CSF2RA: variants seen among roughly 807,000 people sequenced by gnomAD.
The protein encoded by CSF2RA is colony stimulating factor 2 receptor subunit alpha, also known as granulocyte-macrophage colony-stimulating factor receptor subunit alpha.
In CSF2RA, 42 loss-of-function variants were observed where a neutral mutation model predicts 51.6. The ratio of observed to expected loss-of-function variants is 0.81; its 90% confidence interval spans 0.64 to 1.05. CSF2RA has a LOEUF of 1.05. CSF2RA is among the 50% of genes least tolerant of loss of function. The pLI is 0.00. For synonymous variants in CSF2RA, 222 were observed against 193.0 expected (o/e 1.15, Z -1.24); for missense variants, 530 against 501.1 (o/e 1.06, Z -0.55).
chrX:1,297,032 G>A (rs1480299378), intron 9 of CSF2RA, among the ~76,000 whole-genome samples: 7 of 57,500 alleles, frequency 1.2e-4, no homozygotes, highest in African/African-American at 2.7e-4. Context: ...GACCCCTGGC[G>A]GAACCCTACA....
At chrX:1,287,717 T>G (rs1249295636) in intron 4 of CSF2RA, among the ~76,000 whole-genome samples, 3 of 133,102 alleles carry the variant, frequency 2.3e-5, no homozygotes, top group Non-Finnish European at 3.2e-5. Flanking sequence ...GTGCTGGCAT[T>G]ACAGGTGTGA....
At chrX:1,299,797 A>G (rs2092250015) in intron 9 of CSF2RA, among the ~76,000 whole-genome samples, 1 of 152,082 alleles carries the variant, frequency 6.6e-6, no homozygotes, top group Admixed American at 6.6e-5. Context: ...GGGCGCCTGT[A>G]ATCCCAGCTA....
At chrX:1,272,586 C>T (rs1193870357) in intron 1 of CSF2RA, among the ~76,000 whole-genome samples, 1 of 151,712 alleles carries the variant, frequency 6.6e-6, no homozygotes, top group Non-Finnish European at 1.5e-5. Flanking sequence ...CTCCTGGGTT[C>T]ACCCGATTTT....
At chrX:1,293,245 C>G (rs1451498857) in intron 7 of CSF2RA, among the ~76,000 whole-genome samples, 1 of 152,110 alleles carries the variant, frequency 6.6e-6, no homozygotes, top group Non-Finnish European at 1.5e-5. Flanking sequence ...GACAGAGTCT[C>G]ACTCTGTCGC....
intron 12 of CSF2RA, chrX:1,305,815 T>G: frequency 6.8e-5 from 104 of 1,537,792 alleles, no homozygotes; most frequent in Non-Finnish European, 8.2e-5. Context: ...GCACGGTGGC[T>G]CATGCCTGTC....
the CSF2RA span, among the ~76,000 whole-genome samples, chrX:1,317,691 T>A: frequency 6.6e-6 from 1 of 151,028 alleles, no homozygotes; most frequent in Non-Finnish European, 1.5e-5. Context: ...CACAGAAGCC[T>A]TCAGAATGAA....
intron 2 of CSF2RA, among the ~76,000 whole-genome samples, chrX:1,280,083 C>T (rs1328064024): frequency 6.6e-6 from 1 of 152,048 alleles, no homozygotes; most frequent in Non-Finnish European, 1.5e-5. Flanking sequence ...AGCCACTGTG[C>T]CCGGCCGAGA....
downstream of CSF2RA, among the ~76,000 whole-genome samples, chrX:1,314,868 CCGCACTGCACCTG>C (rs1569515061): frequency 2.5e-3 from 157 of 61,874 alleles, 39 homozygotes; most frequent in African/African-American, 7.8e-3. Flanking sequence ...ACCTGCCCAA[CCGCACTGCACCTG>C]CCCAACCACA....
chrX:1,318,364 T>C, the CSF2RA span, among the ~76,000 whole-genome samples: 10 of 151,384 alleles, frequency 6.6e-5, no homozygotes, highest in Non-Finnish European at 1.2e-4. Flanking sequence ...GGTTTCACCA[T>C]GTTGGCCAGG....
chrX:1,281,162 CCTA>C (rs2089986872), intron 2 of CSF2RA, among the ~76,000 whole-genome samples: 3 of 119,088 alleles, frequency 2.5e-5, no homozygotes, highest in African/African-American at 3.3e-5. Context: ...CCCTTCTCCT[CCTA>C]CTCCTCCTTC....
chrX:1,318,220 A>G, the CSF2RA span, among the ~76,000 whole-genome samples: 2 of 147,048 alleles, frequency 1.4e-5, no homozygotes, highest in Admixed American at 6.9e-5. Flanking sequence ...TTGGAGTGCA[A>G]TGGCGTGATC....
chrX:1,314,229 GCACCTGCCCAACCC>G (rs1569514653), downstream of CSF2RA, among the ~76,000 whole-genome samples: 18 of 105,220 alleles, frequency 1.7e-4, no homozygotes, highest in East Asian at 2.6e-4. Flanking sequence ...CAACCCCACT[GCACCTGCCCAACCC>G]CACTGCACCT....
chrX:1,286,013 C>G lies in CSF2RA; in HGVS notation c.219+93C>G, dbSNP rs753888753. The G allele has an allele frequency of 1.1e-5, 17 of 1,516,918 alleles. No homozygotes were observed. In the East Asian group the frequency reaches 2.9e-4, roughly 26 times the overall value. 94.0% of individuals were successfully genotyped at this position (1,516,918 alleles called of 1,614,324 possible). ...GCCGGCTGGGCGCGGCGGCTCACGC[C>G]TGTCATCCCAGCACTTTGGGAGGCT... On this transcript the variant is annotated intron_variant, in intron 4 of 12. Transcript: ENST00000381529.
In CSF2RA at chrX:1,303,973, G is replaced by T; in HGVS notation, c.997G>T (p.Val333Leu). Residue 333 changes from valine to leucine, a missense_variant, in exon 11 of 13, where the codon GTG becomes TTG. Coordinates refer to ENST00000381529, the MANE Select transcript of CSF2RA (RefSeq NM_172245.4). Reference sequence around the variant, plus strand: ...TGTGTACATTTATGTGCTCCTAATCGTGGGAACCCTTGTCTGTGGCATCGT... The same window carrying T: ...TGTGTACATTTATGTGCTCCTAATCTTGGGAACCCTTGTCTGTGGCATCGT... ...GSVYIYVLLI[V>L]GTLVCGIVLG... The T allele has an allele frequency of 6.2e-7, 1 of 1,613,180 alleles. No homozygotes were observed. The highest frequency in any genetic ancestry group is 8.5e-7 in the Non-Finnish European group (1 of 1,179,760).
intron 1 of CSF2RA, among the ~76,000 whole-genome samples, chrX:1,272,371 G>A (rs2088546012): frequency 8.1e-6 from 1 of 123,710 alleles, no homozygotes; most frequent in Non-Finnish European, 1.7e-5. Flanking sequence ...TAGGGGATTG[G>A]ATCCTGGTAC....
intron 7 of CSF2RA, among the ~76,000 whole-genome samples, chrX:1,291,890 C>T (rs1368038723): frequency 6.9e-6 from 1 of 145,884 alleles, no homozygotes; most frequent in Non-Finnish European, 1.5e-5. Flanking sequence ...TACTCCACGT[C>T]CACCTGGACC....
the CSF2RA span, among the ~76,000 whole-genome samples, chrX:1,323,647 G>C: frequency 6.6e-6 from 1 of 152,188 alleles, no homozygotes; most frequent in African/African-American, 2.4e-5. Context: ...ACTTTGGGAG[G>C]CTGAGGCAGC....
chrX:1,323,083 C>T, the CSF2RA span, among the ~76,000 whole-genome samples: 11 of 151,106 alleles, frequency 7.3e-5, no homozygotes, highest in African/African-American at 1.7e-4. Flanking sequence ...GAGCCGAGAT[C>T]GCGCCACCGC....
In CSF2RA at chrX:1,268,947, T is replaced by C. The variant is rs375343350; in HGVS notation, c.-91+68T>C. 1,486 of 451,128 alleles carry C rather than the reference T, an allele frequency of 3.3e-3. 31 individuals carry two copies. The highest frequency in any genetic ancestry group is 0.022 in the South Asian group (1,437 of 64,332). 27.9% of individuals were successfully genotyped at this position (451,128 alleles called of 1,614,324 possible). ...GTCACCCGGGTACATGTTTCTGCTG[T>C]GTCTGTCGATAGAAAAGAAAGAGAC... is the stretch of plus-strand genomic sequence containing the variant. On this transcript the variant is annotated intron_variant, in intron 1 of 12. Transcript: ENST00000381529.
Sources: allele counts gnomAD v4.1 joint callset (sites outside exome capture counted in the v4.1 genomes callset), GRCh38; gene constraint gnomAD v4.1.1; transcripts MANE v1.5; gene names NCBI Gene and HGNC (gene_info 2026-07-23, HGNC 2026-07-21).